NSUN6: variants seen among roughly 807,000 people sequenced by gnomAD.
The protein encoded by NSUN6 is tRNA (cytosine(72)-C(5))-methyltransferase NSUN6.
NSUN6 carries 64 observed loss-of-function variants against 58.0 expected under a neutral mutation model. That is an observed-to-expected ratio of 1.10 (90% CI 0.90 to 1.36). NSUN6 has a LOEUF of 1.36. Ranked by LOEUF, NSUN6 falls within the 40% of genes most tolerant of loss-of-function variation. The pLI is 0.00. For missense variants in NSUN6, 701 were observed against 550.1 expected (o/e 1.27, Z -2.74); for synonymous variants, 231 against 193.9 (o/e 1.19, Z -1.59).
intron 7 of NSUN6, among the ~76,000 whole-genome samples, chr10:18,588,594 T>G (rs906099683): frequency 3.3e-5 from 5 of 152,254 alleles, no homozygotes; most frequent in African/African-American, 7.2e-5. Flanking sequence ...AGGCAGCAAT[T>G]TTTGCTGTTC....
intron 2 of NSUN6, among the ~76,000 whole-genome samples, chr10:18,643,907 C>A (rs1006627828): frequency 6.6e-6 from 1 of 152,082 alleles, no homozygotes; most frequent in Non-Finnish European, 1.5e-5. Context: ...TAAATAAAAC[C>A]CATAAAACCA....
At chr10:18,651,089 GT>G in intron 1 of NSUN6, 39 bp downstream of exon 1, 1 of 1,570,250 alleles carries the variant, frequency 6.4e-7, no homozygotes, top group African/African-American at 1.4e-5. Flanking sequence ...GAATATTTGA[GT>G]TTTTGCAAAA....
intron 7 of NSUN6, 141 bp downstream of exon 7, chr10:18,596,067 T>C: frequency 1.5e-6 from 1 of 653,332 alleles, no homozygotes; most frequent in Non-Finnish European, 2.7e-6. Flanking sequence ...GCTTAATATG[T>C]AGTGACTGAC....
intron 5 of NSUN6, 24 bp from the exon 6 acceptor site, chr10:18,609,950 T>C (rs1218440643): frequency 7.4e-7 from 1 of 1,359,240 alleles, no homozygotes. Flanking sequence ...AATCTAACAT[T>C]AGTCTGTATA....
At chr10:18,655,063 T>C (rs2059763189), upstream of NSUN6, 4 of 982,748 alleles carry the variant, frequency 4.1e-6, no homozygotes, top group Non-Finnish European at 4.8e-6. Context: ...TTATGGAACA[T>C]TGGAAATTAG....
intron 3 of NSUN6, among the ~76,000 whole-genome samples, chr10:18,634,394 T>C (rs2059140608): frequency 6.6e-6 from 1 of 152,058 alleles, no homozygotes; most frequent in Admixed American, 6.5e-5. Context: ...ACAGACAAGA[T>C]AAAACTTATC....
intron 3 of NSUN6, among the ~76,000 whole-genome samples, chr10:18,639,169 ACCT>A (rs2059317223): frequency 6.6e-6 from 1 of 152,060 alleles, no homozygotes; most frequent in African/African-American, 2.4e-5. Flanking sequence ...AACTCCAGGA[ACCT>A]CCTCATTTCT....
chr10:18,622,234 G>C (rs145769877), intron 3 of NSUN6, among the ~76,000 whole-genome samples: 1 of 152,066 alleles, frequency 6.6e-6, no homozygotes, highest in Non-Finnish European at 1.5e-5. Context: ...GCCTTTATAC[G>C]AGACCAAAGA....
chr10:18,565,061 C>T (rs1186344062), intron 8 of NSUN6, among the ~76,000 whole-genome samples: 6 of 149,714 alleles, frequency 4.0e-5, no homozygotes, highest in Non-Finnish European at 9.0e-5. Context: ...TTCCATGCTC[C>T]ATTCCATTCC....
At chr10:18,557,008 T>G (rs943523694) in intron 8 of NSUN6, among the ~76,000 whole-genome samples, 2 of 146,474 alleles carry the variant, frequency 1.4e-5, no homozygotes, top group Non-Finnish European at 3.0e-5. Flanking sequence ...AAAAATGGAA[T>G]AGAATAGATA....
upstream of NSUN6, chr10:18,652,370 TA>T: frequency 1.0e-6 from 1 of 983,190 alleles, no homozygotes. Context: ...CACACCATGG[TA>T]ATTTACACAT....
chr10:18,612,247 C>G (rs1243132445), intron 5 of NSUN6, among the ~76,000 whole-genome samples: 2 of 151,886 alleles, frequency 1.3e-5, no homozygotes, highest in Admixed American at 1.3e-4. Context: ...GCAAGACCCC[C>G]ATTTCTATGA....
chr10:18,627,137 A>T (rs1194996770), intron 3 of NSUN6, among the ~76,000 whole-genome samples: 1 of 152,226 alleles, frequency 6.6e-6, no homozygotes, highest in African/African-American at 2.4e-5. Context: ...CTTCTTCCAG[A>T]AATTAAAATA....
intron 8 of NSUN6, among the ~76,000 whole-genome samples, chr10:18,571,798 C>T (rs1022594587): frequency 2.7e-5 from 4 of 150,616 alleles, no homozygotes; most frequent in Admixed American, 6.6e-5. Context: ...ATACCATCCT[C>T]CATTCCATTA....
chr10:18,609,233 C>A (rs978405315), intron 6 of NSUN6, among the ~76,000 whole-genome samples: 1 of 152,066 alleles, frequency 6.6e-6, no homozygotes, highest in African/African-American at 2.4e-5. Flanking sequence ...ATCGCTTGAG[C>A]CCAGGAGTTT....
chr10:18,585,441 C>T (rs964511901), intron 8 of NSUN6, among the ~76,000 whole-genome samples: 1 of 152,130 alleles, frequency 6.6e-6, no homozygotes, highest in Non-Finnish European at 1.5e-5. Context: ...AAATGTGGTA[C>T]ATACACACGA....
At chr10:18,611,697 T>A (rs2058242276) in intron 5 of NSUN6, among the ~76,000 whole-genome samples, 1 of 150,268 alleles carries the variant, frequency 6.7e-6, no homozygotes, top group African/African-American at 2.5e-5. Flanking sequence ...GCCAGGTAAG[T>A]GTGTGTGTGG....
chr10:18,574,146 T>C (rs1032370094), intron 8 of NSUN6, among the ~76,000 whole-genome samples: 8 of 152,120 alleles, frequency 5.3e-5, no homozygotes, highest in African/African-American at 1.7e-4. Flanking sequence ...GTGGCCTTCC[T>C]ATCAAATGTC....
chr10:18,642,519 G>T lies in NSUN6; in HGVS notation c.268C>A (p.Pro90Thr). The T allele has an allele frequency of 2.6e-6, 4 of 1,560,508 alleles. No homozygotes were observed. Among genetic ancestry groups the T allele is most frequent in the Non-Finnish European group, 3.5e-6 (4 of 1,132,034 alleles). ...ATAAGTAACACATCTTGAAGGTCTG[G>T]ATGTTGAAGAATAGGAACACTTAAT... ...NGLSVPILQH[P>T]DLQDVLLIPV... The change falls in exon 3 of 11, where the codon CCA (proline) becomes ACA (threonine). Residue 90 changes from proline to threonine, a missense_variant. Transcript: ENST00000377304.
Sources: allele counts gnomAD v4.1 joint callset (sites outside exome capture counted in the v4.1 genomes callset), GRCh38; gene constraint gnomAD v4.1.1; transcripts MANE v1.5; gene names NCBI Gene and HGNC (gene_info 2026-07-23, HGNC 2026-07-21).